Variants in LYG2 observed in about 807,000 individuals in gnomAD.
The protein encoded by LYG2 is lysozyme g2.
LYG2 carries 25 observed loss-of-function variants against 22.4 expected under a neutral mutation model. The ratio of observed to expected loss-of-function variants is 1.12; its 90% confidence interval spans 0.81 to 1.56. The LOEUF is 1.56. Among genes scored for constraint, LYG2 ranks in the 40% most tolerant of loss-of-function variants. The pLI is 0.00. For missense variants in LYG2, 266 were observed against 269.5 expected (o/e 0.99, Z 0.09); for synonymous variants, 88 against 97.0 (o/e 0.91, Z 0.55).
At chr2:99,255,287 A>G (rs964416489) in intron 1 of LYG2, 150 bp from the exon 2 acceptor site, 16 of 152,188 alleles carry the variant, frequency 1.1e-4, no homozygotes, top group East Asian at 1.9e-4. Flanking sequence ...TCCTGTACCA[A>G]TGATCATTAG....
chr2:99,247,588 C>T (rs2094018458), intron 3 of LYG2, among the ~76,000 whole-genome samples: 1 of 152,124 alleles, frequency 6.6e-6, no homozygotes, highest in Non-Finnish European at 1.5e-5. Context: ...TGCCTCCCTA[C>T]CTTCCTCCCT....
chr2:99,259,383 G>C (rs2094043120), upstream of LYG2, among the ~76,000 whole-genome samples: 1 of 152,016 alleles, frequency 6.6e-6, no homozygotes, highest in Admixed American at 6.6e-5. Context: ...AACAGTTGTA[G>C]TATAACGATA....
intron 3 of LYG2, among the ~76,000 whole-genome samples, chr2:99,251,845 AT>A (rs987775565): frequency 4.0e-5 from 6 of 149,878 alleles, no homozygotes; most frequent in Admixed American, 2.0e-4. Context: ...AAAAAAAAAA[AT>A]TTTTTTTTCC....
chr2:99,250,403 C>T (rs2094024077), intron 3 of LYG2, among the ~76,000 whole-genome samples: 1 of 130,758 alleles, frequency 7.6e-6, no homozygotes. Context: ...GAGACAGAGT[C>T]TTGCTCTGTC....
intron 5 of LYG2, 38 bp downstream of exon 5, chr2:99,245,224 G>C: frequency 6.6e-7 from 1 of 1,522,570 alleles, no homozygotes; most frequent in East Asian, 2.4e-5. Context: ...TGTGAGGAGG[G>C]ATGCAGTGGG....
Position 99,245,295 on chromosome 2 carries a change from C to T in LYG2, c.348G>A (p.Trp116Ter). 4 of 1,608,362 alleles carry T rather than the reference C, an allele frequency of 2.5e-6. No homozygotes were observed. The highest frequency in any genetic ancestry group is 3.4e-6 in the Non-Finnish European group (4 of 1,177,148). Reference protein sequence around the residue: ...SHGGSVLQDGWDHRGLKFGLM... With the variant: ...SHGGSVLQDG ...AGCCAAATTTAAGTCCCCTGTGGTC[C>T]CAGCCGTCTTGCAGGACAGATCCGC... Residue 116 changes from tryptophan to a stop codon, truncating the protein, a stop_gained, in exon 5 of 7, where the codon TGG (tryptophan) becomes TGA (stop). Coordinates refer to ENST00000333017, the MANE Select transcript of LYG2 (RefSeq NM_175735.4). LOFTEE classifies it high-confidence loss of function.
intron 2 of LYG2, among the ~76,000 whole-genome samples, chr2:99,254,744 A>C (rs569444464): frequency 6.6e-6 from 1 of 152,136 alleles, no homozygotes; most frequent in African/African-American, 2.4e-5. Context: ...ATCATAGCTC[A>C]CTATGGCCTC....
chr2:99,249,076 G>A (rs977118704), intron 3 of LYG2, among the ~76,000 whole-genome samples: 4 of 152,120 alleles, frequency 2.6e-5, no homozygotes, highest in Admixed American at 2.6e-4. Flanking sequence ...TTGTTCTAAC[G>A]GTTTCAAGGA....
At chr2:99,251,627 A>T (rs533234988) in intron 3 of LYG2, among the ~76,000 whole-genome samples, 2 of 152,230 alleles carry the variant, frequency 1.3e-5, no homozygotes, top group African/African-American at 4.8e-5. Flanking sequence ...AGTTCCTGCC[A>T]CTGAAAACAC....
Position 99,242,249 on chromosome 2 carries a change from T to G in LYG2, c.*115A>C. On this transcript the variant is annotated 3_prime_UTR_variant, in exon 7 of 7. Coordinates refer to ENST00000333017, the MANE Select transcript of LYG2 (RefSeq NM_175735.4). ...ATTCAGAAAATTGGGAAATGAATTT[T>G]CTTTCATGATTTTAATCATTTCTTT... 1 of 531,430 alleles carries G rather than the reference T, an allele frequency of 1.9e-6. No homozygotes were observed. Among genetic ancestry groups the G allele is most frequent in the Admixed American group, 3.0e-5 (1 of 33,398 alleles). 32.9% of individuals were successfully genotyped at this position (531,430 alleles called of 1,614,324 possible). A position where few individuals can be genotyped will look rare whatever the true frequency, so the allele number is the denominator to read the frequency against.
intron 1 of LYG2, 32 bp from the exon 2 acceptor site, chr2:99,255,169 A>G (rs1281353203): frequency 6.6e-6 from 1 of 152,218 alleles, no homozygotes; most frequent in Non-Finnish European, 1.5e-5. Context: ...TAGTCAGTAG[A>G]TCACTGCGCA....
At chr2:99,259,196 A>T (rs1574868140), upstream of LYG2, among the ~76,000 whole-genome samples, 1 of 124,518 alleles carries the variant, frequency 8.0e-6, no homozygotes, top group Non-Finnish European at 1.7e-5. Context: ...ATTTCTAGTT[A>T]TTTACCCAAG....
chr2:99,248,474 T>C (rs1395938227), intron 3 of LYG2, among the ~76,000 whole-genome samples: 2 of 150,474 alleles, frequency 1.3e-5, no homozygotes, highest in Non-Finnish European at 2.9e-5. Flanking sequence ...CAGTAAACTA[T>C]CACCAAGGAC....
rs146091052 is a variant in LYG2 at position 99,251,820 on chromosome 2, T to C, written c.43+2398A>G. 1.3e-3 allele frequency among the ~76,000 whole-genome samples: 205 copies of C among 152,020 alleles called. 5 individuals are homozygous for C. The East Asian group carries it at 0.029, about 22-fold the overall frequency. On this transcript the variant is annotated intron_variant, in intron 3 of 6. Transcript: ENST00000333017. ...TTTTGTGCCAGAGCTGGTCCTTATA[T>C]GTTAGAGACACATTAAAAAAAAAAA...
rs750993790 is a variant in LYG2, at chr2:99,245,284, C to T, written c.359G>A (p.Gly120Glu). The T allele has an allele frequency of 1.2e-6, 2 of 1,606,686 alleles. No homozygotes were observed. Among genetic ancestry groups the T allele is most frequent in the East Asian group, 4.5e-5 (2 of 44,514 alleles). The change falls in exon 5 of 7, where the codon GGA (glycine) becomes GAA (glutamate). Residue 120 changes from glycine (G) to glutamate (E), a missense_variant. Coordinates refer to ENST00000333017, the MANE Select transcript of LYG2 (RefSeq NM_175735.4). ...TACCTGCATCAAGCCAAATTTAAGT[C>T]CCCTGTGGTCCCAGCCGTCTTGCAG... The part of the protein sequence containing the change: ...SVLQDGWDHR[G>E]LKFGLMQLDK...
At chr2:99,259,959 CTTTTTT>C (rs56186823), upstream of LYG2, among the ~76,000 whole-genome samples, 2 of 114,924 alleles carry the variant, frequency 1.7e-5, no homozygotes, top group Non-Finnish European at 1.8e-5. Flanking sequence ...CAAAAGTAAA[CTTTTTT>C]TTTTTTTTTT....
In LYG2 at chr2:99,247,106, T is replaced by G; in HGVS notation, c.44-286A>C. ...ATGTGCAGTCTTTTTTTTTCCTTTT[T>G]TTAAGAGACAAGGTCTTGCTCTGTT... On this transcript the variant is annotated intron_variant, in intron 3 of 6. Coordinates refer to ENST00000333017, the MANE Select transcript of LYG2 (RefSeq NM_175735.4). Among the ~76,000 whole-genome samples, 3 of 152,318 alleles carry G rather than the reference T, an allele frequency of 2.0e-5. No individual in the cohort carries two copies. In the South Asian group the frequency reaches 6.2e-4, roughly 32 times the overall value.
chr2:99,245,412 T>C lies in LYG2; in HGVS notation c.231A>G (p.Ile77Met). ...CTTTGATCAGAGTCTGGTAAGGTTT[T>C]ATGGCCCTCAAATCCATCTCAGCAA... ...EMFAEMDLRAIKPYQTLIKEV... is the reference protein window; with the variant it reads ...EMFAEMDLRAMKPYQTLIKEV... Residue 77 changes from isoleucine (I) to methionine (M), a missense_variant, in exon 5 of 7, where the codon ATA (isoleucine) becomes ATG (methionine). Ile to Met is a conservative substitution (Grantham distance 10). Transcript: ENST00000333017. 6.2e-7 allele frequency: 1 copy of C among 1,611,850 alleles called. No homozygotes were observed. The highest frequency in any genetic ancestry group is 1.7e-5 in the Admixed American group (1 of 59,804).
In LYG2 at chr2:99,242,440, G is replaced by T. The variant is rs1298043118; in HGVS notation, c.563C>A (p.Thr188Asn). 2 of 1,613,080 alleles carry T rather than the reference G, an allele frequency of 1.2e-6. No homozygotes were observed. The highest frequency in any genetic ancestry group is 1.7e-6 in the Non-Finnish European group (2 of 1,179,464). ...GAAGTCATTGTCTATGTCCGATGGG[G>T]TGGCAATCGCTTCAATTCCTGACTT... ...AFKSGIEAIATPSDIDNDFVN... is the reference protein window; with the variant it reads ...AFKSGIEAIANPSDIDNDFVN... Residue 188 changes from threonine to asparagine, a missense_variant, in exon 7 of 7, where the codon ACC becomes AAC. By Grantham distance (65) the Thr-to-Asn change is moderately conservative. Transcript: ENST00000333017.
Sources: allele counts gnomAD v4.1 joint callset (sites outside exome capture counted in the v4.1 genomes callset), GRCh38; gene constraint gnomAD v4.1.1; transcripts MANE v1.5; gene names NCBI Gene and HGNC (gene_info 2026-07-23, HGNC 2026-07-21).